KIAA0319L: variants seen among roughly 807,000 people sequenced by gnomAD.
KIAA0319L encodes dyslexia-associated protein KIAA0319-like protein.
In KIAA0319L, 55 loss-of-function variants were observed where a neutral mutation model predicts 120.1. The ratio of observed to expected loss-of-function variants is 0.46; its 90% CI spans 0.37 to 0.57. The LOEUF (loss-of-function observed/expected upper bound fraction) is 0.57. Among genes scored for constraint, KIAA0319L ranks in the 20% least tolerant of loss-of-function variants. The probability of loss-of-function intolerance (pLI) is 0.00; values close to 1 mark genes in which losing one functional copy is unlikely to be tolerated. For missense variants in KIAA0319L, 1,049 were observed against 1,255.3 expected, an observed-to-expected ratio of 0.84 and a Z score of 2.48; for synonymous variants, 398 against 471.9, an observed-to-expected ratio of 0.84 and a Z score of 2.03.
At chr1:35,456,896 G>GAAAGA (rs1218686077) in intron 9 of KIAA0319L, among the ~76,000 whole-genome samples, 2 of 129,174 alleles carry the variant, frequency 1.5e-5, no homozygotes, top group African/African-American at 5.7e-5. Flanking sequence ...GGGAGGGAGG[G>GAAAGA]AGGGAAAGAA....
chr1:35,503,076 T>A lies in KIAA0319L; in HGVS notation c.666+3536A>T, dbSNP rs554347486. On this transcript the variant is annotated intron_variant, in intron 3 of 20. Transcript: ENST00000325722. ...CTTCTATCCTTCACGATGGCTATTTTAGACCTTTACCCCACTCTCTAAACC... is the reference window on the plus strand; with the variant it reads ...CTTCTATCCTTCACGATGGCTATTTAAGACCTTTACCCCACTCTCTAAACC... Among the ~76,000 whole-genome samples, 7 of 152,146 alleles carry A rather than the reference T, an allele frequency of 4.6e-5. No individual in the cohort carries two copies. The East Asian group carries it at 1.2e-3, about 25-fold the overall frequency.
chr1:35,435,807 G>A (rs1570586930), intron 20 of KIAA0319L, among the ~76,000 whole-genome samples: 1 of 152,170 alleles, frequency 6.6e-6, no homozygotes, highest in African/African-American at 2.4e-5. Context: ...GATGCCGAGC[G>A]GCCACAGACA....
intron 2 of KIAA0319L, among the ~76,000 whole-genome samples, chr1:35,520,697 G>C (rs1004882822): frequency 6.6e-6 from 1 of 152,086 alleles, no homozygotes; most frequent in Non-Finnish European, 1.5e-5. Flanking sequence ...CAAAATTGAA[G>C]CACCCCTACT....
At chr1:35,497,752 T>C (rs192027656) in intron 3 of KIAA0319L, among the ~76,000 whole-genome samples, 4 of 152,290 alleles carry the variant, frequency 2.6e-5, no homozygotes, top group Admixed American at 2.0e-4. Context: ...TTTATAACGA[T>C]TGCACAATGT....
chr1:35,552,345 C>CA (rs912519687), intron 2 of KIAA0319L, among the ~76,000 whole-genome samples: 23 of 146,160 alleles, frequency 1.6e-4, no homozygotes, highest in Middle Eastern at 6.9e-3. Context: ...GACTCCGTTT[C>CA]AAAAAAAAAA....
At chr1:35,481,801 C>T (rs1375054411) in intron 3 of KIAA0319L, among the ~76,000 whole-genome samples, 1 of 149,980 alleles carries the variant, frequency 6.7e-6, no homozygotes, top group East Asian at 1.9e-4. Context: ...CCTAAGCAAC[C>T]ATTCTGCTGT....
At chr1:35,546,798 T>C (rs1646998566) in intron 2 of KIAA0319L, among the ~76,000 whole-genome samples, 1 of 151,932 alleles carries the variant, frequency 6.6e-6, no homozygotes, top group African/African-American at 2.4e-5. Flanking sequence ...TTCTCTACTA[T>C]AATAGAAAAG....
intron 3 of KIAA0319L, among the ~76,000 whole-genome samples, chr1:35,498,238 C>T (rs1644882430): frequency 6.6e-6 from 1 of 151,546 alleles, no homozygotes; most frequent in South Asian, 2.1e-4. Flanking sequence ...GAGGCTGAGG[C>T]AGGAGAATCA....
chr1:35,525,007 A>G (rs1283873215), intron 2 of KIAA0319L, among the ~76,000 whole-genome samples: 1 of 152,054 alleles, frequency 6.6e-6, no homozygotes, highest in Non-Finnish European at 1.5e-5. Flanking sequence ...ATGCCCTACA[A>G]CTACATCCTT....
At chr1:35,463,549 A>C (rs573706130) in intron 7 of KIAA0319L, among the ~76,000 whole-genome samples, 87 of 152,352 alleles carry the variant, frequency 5.7e-4, no homozygotes, top group Non-Finnish European at 1.2e-4. Context: ...ACTCTGGTCC[A>C]CCCAAATGAC....
chr1:35,523,640 A>G lies in KIAA0319L; in HGVS notation c.143-16505T>C, dbSNP rs553799863. 3.9e-5 allele frequency among the ~76,000 whole-genome samples: 6 copies of G among 152,286 alleles called. No individual in the cohort carries two copies. The South Asian group carries it at 1.0e-3, about 26-fold the overall frequency. On this transcript the variant is annotated intron_variant, in intron 2 of 20. Transcript: ENST00000325722. Reference sequence around the variant, plus strand: ...CGGGTAGAACGTGGTATAAATCTCAAAGAGCAGAAGTTTTTGCATGAAAGT... The same window carrying G: ...CGGGTAGAACGTGGTATAAATCTCAGAGAGCAGAAGTTTTTGCATGAAAGT...
chr1:35,473,555 A>G (rs1643769517), intron 5 of KIAA0319L, among the ~76,000 whole-genome samples: 1 of 152,200 alleles, frequency 6.6e-6, no homozygotes, highest in African/African-American at 2.4e-5. Context: ...AGCTCAAGGC[A>G]GTCCCTCACC....
intron 3 of KIAA0319L, among the ~76,000 whole-genome samples, chr1:35,493,899 G>A (rs567918697): frequency 7.9e-5 from 12 of 151,936 alleles, no homozygotes; most frequent in South Asian, 2.1e-4. Flanking sequence ...ACTACAACAC[G>A]TCACTGAGAA....
intron 12 of KIAA0319L, among the ~76,000 whole-genome samples, chr1:35,452,630 T>TA (rs1470518326): frequency 3.9e-5 from 6 of 152,198 alleles, no homozygotes; most frequent in Non-Finnish European, 7.3e-5. Context: ...AAAACTCAGC[T>TA]AAAAGGTCTA....
In KIAA0319L at chr1:35,444,249, G is replaced by A. The variant is rs1377879498; in HGVS notation, c.2568C>T (p.Gly856=). Residue 856 remains glycine (G), a synonymous_variant, in exon 17 of 21, where the codon GGC becomes GGT. Transcript: ENST00000325722. ...QNEPPHQIFK[G]HEVAAMLKSE... Reference sequence around the variant, plus strand: ...TCTTGAGCATCGCTGCCACCTCATGGCCTTTGAAGATCTGGTGGGGAGGCT... The same window carrying A: ...TCTTGAGCATCGCTGCCACCTCATGACCTTTGAAGATCTGGTGGGGAGGCT... 6.2e-7 allele frequency: 1 copy of A among 1,608,866 alleles called. No individual in the cohort carries two copies. Among genetic ancestry groups the A allele is most frequent in the Non-Finnish European group, 8.5e-7 (1 of 1,178,022 alleles).
chr1:35,478,766 G>A (rs910939201), intron 4 of KIAA0319L, among the ~76,000 whole-genome samples, 200 bp downstream of exon 4: 6 of 152,126 alleles, frequency 3.9e-5, no homozygotes, highest in Non-Finnish European at 7.4e-5. Flanking sequence ...AATTAGCCTC[G>A]TAAATTTCCA....
Position 35,506,740 on chromosome 1 carries a change from G to C in KIAA0319L, c.538C>G (p.Gln180Glu). The C allele has an allele frequency of 4.3e-6, 7 of 1,614,182 alleles. No homozygotes were observed. The highest frequency in any genetic ancestry group is 5.9e-6 in the Non-Finnish European group (7 of 1,180,028). ...TTCTGAAGCTTCCTGATTAAGCTCT[G>C]CTGGTCACTGGAAGATACAGCAGGT... ...LRPAVSSSDQQSLIRKLQKRG... is the reference protein window; with the variant it reads ...LRPAVSSSDQESLIRKLQKRG... The change falls in exon 3 of 21, where the codon CAG becomes GAG. Residue 180 changes from glutamine (Q) to glutamate (E), a missense_variant. By Grantham distance (29) the Gln-to-Glu change is conservative. Transcript: ENST00000325722. The surrounding 1 kb of genome is among the most constrained non-coding windows in gnomAD (Gnocchi z 4.0).
At chr1:35,474,005 GT>G (rs1643798435) in intron 5 of KIAA0319L, among the ~76,000 whole-genome samples, 1 of 152,058 alleles carries the variant, frequency 6.6e-6, no homozygotes, top group South Asian at 2.1e-4. Context: ...TATTACAAAA[GT>G]TTTCTTAAAT....
chr1:35,466,624 G>A lies in KIAA0319L; in HGVS notation c.1185C>T (p.Asn395=), dbSNP rs773466005. The change falls in exon 7 of 21, where the codon AAC becomes AAT. Residue 395 remains asparagine, a synonymous_variant. Transcript: ENST00000325722. ...GQNAHGEGYV[N]VTVKPEPRKN... The stretch of plus-strand genomic sequence containing the variant: ...AAAACATACCTGGCTTGACTGTCAC[G>A]TTCACATAGCCTTCCCCATGGGCAT... 51 of 1,612,810 alleles carry A rather than the reference G, an allele frequency of 3.2e-5. No individual in the cohort carries two copies. The highest frequency in any genetic ancestry group is 8.0e-5 in the African/African-American group (6 of 74,878).
Sources: gnomAD v4.1 joint callset for allele counts (sites outside exome capture counted in the v4.1 genomes callset) on GRCh38, gnomAD v4.1.1 for gene constraint, Gnocchi (gnomAD v3.1) non-coding constraint, MANE v1.5 for transcripts, NCBI Gene and HGNC (gene_info 2026-07-23, HGNC 2026-07-21) for gene names.